ASAP2: variants seen among roughly 807,000 people sequenced by gnomAD.
ASAP2 encodes the protein ArfGAP with SH3 domain, ankyrin repeat and PH domain 2.
A neutral mutation model predicts 131.4 loss-of-function variants in ASAP2; 45 were observed. That is an observed-to-expected ratio of 0.34 (90% CI 0.27 to 0.44). The LOEUF (loss-of-function observed/expected upper bound fraction) is 0.44, where lower values mean the gene tolerates loss of function less well. Among genes scored for constraint, ASAP2 ranks in the 20% least tolerant of loss-of-function variants. The probability of loss-of-function intolerance (pLI) is 1.00; values close to 1 mark genes in which losing one functional copy is unlikely to be tolerated. For missense variants in ASAP2, 1,011 were observed against 1,297.0 expected (o/e 0.78, Z 3.39); for synonymous variants, 510 against 503.0 (o/e 1.01, Z -0.19).
chr2:9,313,657 A>G (rs370841866), intron 3 of ASAP2, among the ~76,000 whole-genome samples: 27 of 152,318 alleles, frequency 1.8e-4, no homozygotes, highest in African/African-American at 6.5e-4. Flanking sequence ...GCTCCCAGCC[A>G]GGCAGGGTTC....
intron 24 of ASAP2, among the ~76,000 whole-genome samples, chr2:9,398,398 C>G (rs1676357185): frequency 6.6e-6 from 1 of 152,042 alleles, no homozygotes; most frequent in Non-Finnish European, 1.5e-5. Flanking sequence ...GTAGTCCCAA[C>G]TACTCAGGAG....
Position 9,380,776 on chromosome 2 carries a change from A to G in ASAP2, c.1984A>G (p.Lys662Glu), listed in dbSNP as rs1303375967. Residue 662 changes from lysine to glutamate, a missense_variant, in exon 20 of 28, where the codon AAG (lysine) becomes GAG (glutamate). Coordinates refer to ENST00000281419, the MANE Select transcript of ASAP2 (RefSeq NM_003887.3). ...AGGAGAGACTCCGCTGGACATTGCC[A>G]AGCGCCTCAAGCACGAGCACTGTGA... is the stretch of plus-strand genomic sequence containing the variant. Reference protein sequence around the residue: ...ESGETPLDIAKRLKHEHCEEL... With the variant: ...ESGETPLDIAERLKHEHCEEL... The G allele has an allele frequency of 3.1e-6, 5 of 1,614,028 alleles. No homozygotes were observed. The highest frequency in any genetic ancestry group is 4.2e-6 in the Non-Finnish European group (5 of 1,180,038).
intron 2 of ASAP2, among the ~76,000 whole-genome samples, chr2:9,287,861 G>A (rs1179764340): frequency 6.6e-6 from 1 of 152,202 alleles, no homozygotes; most frequent in Non-Finnish European, 1.5e-5. Flanking sequence ...ATTAGTCATG[G>A]AAGGAGGGTA....
At chr2:9,293,689 G>A (rs748123874) in intron 2 of ASAP2, among the ~76,000 whole-genome samples, 11 of 151,824 alleles carry the variant, frequency 7.2e-5, no homozygotes, top group East Asian at 1.9e-4. Context: ...GGCTGTTGTC[G>A]TGGTGGGCAC....
chr2:9,379,141 GAAAC>G, intron 19 of ASAP2, 82 bp downstream of exon 19: 1 of 984,128 alleles, frequency 1.0e-6, no homozygotes, highest in Non-Finnish European at 1.4e-6. Context: ...GCTGCTCTTG[GAAAC>G]AGGGCCAACC....
intron 1 of ASAP2, chr2:9,271,432 A>G: frequency 1.4e-6 from 2 of 1,424,860 alleles, no homozygotes; most frequent in South Asian, 1.2e-5. Context: ...ATTGCAGGCA[A>G]ACTTCTTAAA....
At chr2:9,240,799 A>G (rs1663908241) in intron 1 of ASAP2, among the ~76,000 whole-genome samples, 1 of 152,158 alleles carries the variant, frequency 6.6e-6, no homozygotes, top group Non-Finnish European at 1.5e-5. Flanking sequence ...GCATATCTGC[A>G]TTACCAGCAT....
intron 1 of ASAP2, among the ~76,000 whole-genome samples, chr2:9,278,062 C>T (rs1303895934): frequency 6.6e-6 from 1 of 152,176 alleles, no homozygotes; most frequent in Non-Finnish European, 1.5e-5. Flanking sequence ...ATGATCTAAA[C>T]TCACATGGGG....
intron 4 of ASAP2, 145 bp from the exon 5 acceptor site, chr2:9,320,143 T>C: frequency 1.5e-6 from 1 of 661,114 alleles, no homozygotes; most frequent in Non-Finnish European, 2.7e-6. Context: ...GCATGTACTC[T>C]TGGTTCTTTA....
intron 1 of ASAP2, among the ~76,000 whole-genome samples, chr2:9,221,653 CTACAATTTGCTGAATTTGTT>C (rs1662427409): frequency 1.3e-5 from 2 of 152,088 alleles, no homozygotes; most frequent in South Asian, 4.1e-4. Flanking sequence ...ATCTTATGGC[CTACAATTTGCTGAATTTGTT>C]TATTGGCTTT....
At chr2:9,302,574 C>T (rs957078461) in intron 3 of ASAP2, among the ~76,000 whole-genome samples, 10 of 150,784 alleles carry the variant, frequency 6.6e-5, no homozygotes, top group African/African-American at 2.2e-4. Context: ...TCCCGGGTTC[C>T]AGCTATTCTT....
intron 1 of ASAP2, among the ~76,000 whole-genome samples, chr2:9,254,664 G>A (rs538587785): frequency 4.0e-5 from 6 of 148,914 alleles, no homozygotes; most frequent in East Asian, 3.9e-4. Context: ...TTGAGCCACC[G>A]TCCCCGGCCT....
At chr2:9,384,687 TG>T (rs1298306924) in intron 20 of ASAP2, among the ~76,000 whole-genome samples, 1 of 152,172 alleles carries the variant, frequency 6.6e-6, no homozygotes, top group Non-Finnish European at 1.5e-5. Context: ...TAGGGCAAGG[TG>T]TGGGGGAGGG....
intron 1 of ASAP2, among the ~76,000 whole-genome samples, chr2:9,266,147 CT>C (rs3053782): frequency 1.4e-3 from 183 of 133,856 alleles, no homozygotes; most frequent in Middle Eastern, 7.9e-3. Flanking sequence ...GCCTTTTTAT[CT>C]TTTTTTTTTT....
chr2:9,344,439 A>G, intron 9 of ASAP2, 93 bp from the exon 10 acceptor site: 1 of 874,136 alleles, frequency 1.1e-6, no homozygotes, highest in Non-Finnish European at 1.7e-6. Context: ...TGTTAAAAAA[A>G]AAACACATTA....
intron 24 of ASAP2, among the ~76,000 whole-genome samples, chr2:9,396,040 T>G (rs1221197668): frequency 6.6e-6 from 1 of 152,144 alleles, no homozygotes; most frequent in Admixed American, 6.6e-5. Context: ...TCTCCAAGAA[T>G]AGAAGCTTCC....
intron 12 of ASAP2, among the ~76,000 whole-genome samples, chr2:9,352,202 AACACACACAAAC>A (rs1020412019): frequency 2.1e-5 from 3 of 142,862 alleles, no homozygotes; most frequent in Non-Finnish European, 4.5e-5. Context: ...AACTCTTTAA[AACACACACAAAC>A]ACACACACAC....
intron 15 of ASAP2, among the ~76,000 whole-genome samples, chr2:9,367,398 A>G (rs1160149444): frequency 6.6e-6 from 1 of 152,134 alleles, no homozygotes; most frequent in Non-Finnish European, 1.5e-5. Flanking sequence ...AGAACATGGA[A>G]ATGAAAATAT....
intron 5 of ASAP2, among the ~76,000 whole-genome samples, chr2:9,321,148 G>A (rs1670125496): frequency 6.6e-6 from 1 of 152,134 alleles, no homozygotes; most frequent in African/African-American, 2.4e-5. Flanking sequence ...GAAGCTATCT[G>A]TTAAACTAAA....
Sources: allele counts gnomAD v4.1 joint callset (sites outside exome capture counted in the v4.1 genomes callset), GRCh38; gene constraint gnomAD v4.1.1; transcripts MANE v1.5; gene names NCBI Gene and HGNC (gene_info 2026-07-23, HGNC 2026-07-21).